PTPN3: variants seen among roughly 807,000 people sequenced by gnomAD.
The protein encoded by PTPN3 is tyrosine-protein phosphatase non-receptor type 3.
In PTPN3, 96 loss-of-function variants were observed where a neutral mutation model predicts 132.7. The observed-to-expected ratio is 0.72, with a 90% CI of 0.61 to 0.86. PTPN3 has a LOEUF of 0.86. Ranked by LOEUF, PTPN3 falls within the 40% of genes least tolerant of loss-of-function variation. The pLI is 0.00. For synonymous variants in PTPN3, 398 were observed against 429.0 expected, an observed-to-expected ratio of 0.93 and a Z score of 0.89; for missense variants, 1,125 against 1,159.6, an observed-to-expected ratio of 0.97 and a Z score of 0.43.
At chr9:109,470,148 A>G (rs1439530835) in intron 1 of PTPN3, among the ~76,000 whole-genome samples, 2 of 152,112 alleles carry the variant, frequency 1.3e-5, no homozygotes, top group East Asian at 3.9e-4. Context: ...ACCCTAGACA[A>G]TGATTCATCA....
At position 109,404,440 on chromosome 9, in the gene PTPN3, G is replaced by T. The variant is rs915564030; in HGVS notation, c.1953+8C>A. ...TGGCAGTGGGATTCAGCCTCCAGAG[G>T]GTCTTACCTCAAACTGGATCAGCAC... is the stretch of plus-strand genomic sequence containing the variant. On this transcript the variant is annotated splice_region_variant and intron_variant, in intron 19 of 25. Transcript: ENST00000374541. The T allele has an allele frequency of 7.1e-7, 1 of 1,413,542 alleles. No individual in the cohort carries two copies. The highest frequency in any genetic ancestry group is 2.6e-5 in the East Asian group (1 of 39,016). 87.6% of individuals were successfully genotyped at this position (1,413,542 alleles called of 1,614,324 possible).
chr9:109,475,091 C>A (rs892831077), intron 1 of PTPN3, among the ~76,000 whole-genome samples: 1 of 152,120 alleles, frequency 6.6e-6, no homozygotes, highest in African/African-American at 2.4e-5. Context: ...GTTAAACCTG[C>A]ACAAATATGG....
chr9:109,408,781 TAAAAAAAAA>T (rs768982568), intron 16 of PTPN3, among the ~76,000 whole-genome samples: 6 of 62,126 alleles, frequency 9.7e-5, no homozygotes, highest in South Asian at 5.5e-4. Flanking sequence ...TTATAATAAT[TAAAAAAAAA>T]AAAAAAATAT....
chr9:109,532,857 G>T, the PTPN3 span: 2 of 1,073,084 alleles, frequency 1.9e-6, no homozygotes, highest in Non-Finnish European at 2.4e-6. Context: ...GCTTAGCCTC[G>T]GGAGCGGACT....
chr9:109,467,431 C>A (rs989200197), intron 1 of PTPN3, among the ~76,000 whole-genome samples: 2 of 152,066 alleles, frequency 1.3e-5, no homozygotes, highest in African/African-American at 4.8e-5. Context: ...CTTTGGGAGC[C>A]CTCAAAGTAA....
At chr9:109,500,795 C>T (rs1379048332), upstream of PTPN3, among the ~76,000 whole-genome samples, 1 of 151,734 alleles carries the variant, frequency 6.6e-6, no homozygotes, top group African/African-American at 2.4e-5. Context: ...GGTGTGGTGG[C>T]ATGCACCTGT....
intron 1 of PTPN3, among the ~76,000 whole-genome samples, chr9:109,466,579 T>G (rs1450682714): frequency 1.3e-5 from 2 of 152,222 alleles, no homozygotes; most frequent in Non-Finnish European, 2.9e-5. Flanking sequence ...TACAGAGTGC[T>G]TGGGGATCTT....
rs764506355 is a variant in PTPN3, at chr9:109,410,251, G to C, written c.1478C>G (p.Ala493Gly). 7.8e-5 allele frequency: 126 copies of C among 1,614,162 alleles called. 3 individuals carry two copies. The South Asian group carries it at 1.4e-3, about 18-fold the overall frequency. Reference protein sequence around the residue: ...RVTKGGSTEDASQYYCDKNDN... With the variant: ...RVTKGGSTEDGSQYYCDKNDN... ...CACCTTGTCACAGTAGTACTGGCTG[G>C]CGTCCTCGGTGGAGCCCCCTTTGGT... The change falls in exon 15 of 26, where the codon GCC becomes GGC. Residue 493 changes from alanine (A) to glycine (G), a missense_variant. By Grantham distance (60) the Ala-to-Gly change is moderately conservative (BLOSUM62 0). Transcript: ENST00000374541.
chr9:109,379,018 C>T lies in PTPN3; in HGVS notation c.*538G>A, dbSNP rs1245640989. 1.3e-5 allele frequency: 2 copies of T among 152,436 alleles called. No individual in the cohort carries two copies. Among genetic ancestry groups the T allele is most frequent in the East Asian group, 1.9e-4 (1 of 5,200 alleles). 9.4% of individuals were successfully genotyped at this position (152,436 alleles called of 1,614,324 possible). ...GGAGGGAGGGCAGAGAGGTGTTGCT[C>T]AGCCTTCAGCCTGACCCCCAGTGCC... On this transcript the variant is annotated 3_prime_UTR_variant, in exon 26 of 26. Transcript: ENST00000374541.
At chr9:109,489,372 A>C (rs189966756) in intron 1 of PTPN3, among the ~76,000 whole-genome samples, 2 of 152,322 alleles carry the variant, frequency 1.3e-5, no homozygotes, top group Non-Finnish European at 1.5e-5. Flanking sequence ...TCAGGCCTGC[A>C]GGCCATGCAG....
intron 23 of PTPN3, 141 bp from the exon 24 acceptor site, chr9:109,382,588 T>A: frequency 1.1e-6 from 1 of 891,616 alleles, no homozygotes; most frequent in South Asian, 1.7e-5. Context: ...TAGCAATTCC[T>A]CCCCTCCTTC....
rs1201702561 is a variant in PTPN3, at chr9:109,377,163, C to G, written c.*2393G>C. On this transcript the variant is annotated 3_prime_UTR_variant, in exon 26 of 26. Transcript: ENST00000374541. ...GCATTTAAATTTTTGCCAGCGTTCC[C>G]TCCATCCCCCTTTCTTGGAGCTTGC... 6.6e-6 allele frequency: 1 copy of G among 152,148 alleles called. No homozygotes were observed. Among genetic ancestry groups the G allele is most frequent in the Non-Finnish European group, 1.5e-5 (1 of 68,028 alleles). 9.4% of individuals were successfully genotyped at this position (152,148 alleles called of 1,614,324 possible).
At chr9:109,522,824 T>C in the PTPN3 span, among the ~76,000 whole-genome samples, 2 of 152,188 alleles carry the variant, frequency 1.3e-5, no homozygotes, top group Non-Finnish European at 2.9e-5. Context: ...AATTATGACA[T>C]GGTATCTTCA....
intron 13 of PTPN3, among the ~76,000 whole-genome samples, chr9:109,422,408 T>C (rs1478625588): frequency 6.6e-6 from 1 of 152,344 alleles, no homozygotes; most frequent in African/African-American, 2.4e-5. Context: ...TTTTTTATTA[T>C]TGGACGTCTC....
intron 21 of PTPN3, among the ~76,000 whole-genome samples, chr9:109,390,068 G>A (rs1162694728): frequency 6.6e-6 from 1 of 152,132 alleles, no homozygotes; most frequent in Non-Finnish European, 1.5e-5. Context: ...TTCATGGTTC[G>A]GCTGGTGCTT....
chr9:109,413,530 G>A (rs939037254), intron 14 of PTPN3, among the ~76,000 whole-genome samples: 2 of 152,218 alleles, frequency 1.3e-5, no homozygotes, highest in Admixed American at 6.5e-5. Flanking sequence ...AATGCAGTGC[G>A]GCTGAGGAGC....
chr9:109,398,999 A>G (rs1000371996), intron 19 of PTPN3, among the ~76,000 whole-genome samples: 1 of 152,160 alleles, frequency 6.6e-6, no homozygotes, highest in Non-Finnish European at 1.5e-5. Context: ...TTGGCTACAC[A>G]AAGAGTATTT....
chr9:109,477,096 G>A (rs1271751261), intron 1 of PTPN3, among the ~76,000 whole-genome samples: 1 of 152,094 alleles, frequency 6.6e-6, no homozygotes, highest in Non-Finnish European at 1.5e-5. Flanking sequence ...GCTCAGGTGG[G>A]GGCATCACAC....
intron 6 of PTPN3, 127 bp from the exon 7 acceptor site, chr9:109,445,419 T>A: frequency 1.2e-6 from 1 of 865,688 alleles, no homozygotes; most frequent in Non-Finnish European, 1.9e-6. Flanking sequence ...ACATGAATTG[T>A]AACAAAAGCA....
Sources: gnomAD v4.1 joint callset for allele counts (sites outside exome capture counted in the v4.1 genomes callset) on GRCh38, gnomAD v4.1.1 for gene constraint, MANE v1.5 for transcripts, NCBI Gene and HGNC (gene_info 2026-07-23, HGNC 2026-07-21) for gene names.